Variants in RBFOX2 observed in about 807,000 individuals in gnomAD.
RBFOX2 encodes RNA binding protein fox-1 homolog 2.
In RBFOX2, 10 loss-of-function variants were observed where a neutral mutation model predicts 49.1. The observed-to-expected ratio is 0.20, with a 90% CI of 0.13 to 0.35. The LOEUF is 0.35. Among genes scored for constraint, RBFOX2 ranks in the 10% least tolerant of loss-of-function variants. The pLI is 1.00. For missense variants in RBFOX2, 323 were observed against 486.9 expected, an observed-to-expected ratio of 0.66 and a Z score of 3.17; for synonymous variants, 183 against 187.4, an observed-to-expected ratio of 0.98 and a Z score of 0.19.
chr22:35,961,773 C>T (rs549109432), upstream of RBFOX2: 3 of 1,186,884 alleles, frequency 2.5e-6, no homozygotes, highest in East Asian at 5.9e-5. Context: ...AAAGACGATG[C>T]TTTCAACAGG....
At chr22:35,905,624 T>C (rs1415592145) in intron 1 of RBFOX2, among the ~76,000 whole-genome samples, 1 of 152,134 alleles carries the variant, frequency 6.6e-6, no homozygotes, top group Admixed American at 6.6e-5. Flanking sequence ...TTCAGTCCCT[T>C]GAATATGAAT....
chr22:35,887,667 C>T (rs77934907), intron 1 of RBFOX2, among the ~76,000 whole-genome samples: 1 of 152,098 alleles, frequency 6.6e-6, no homozygotes, highest in Non-Finnish European at 1.5e-5. Flanking sequence ...TGCACCTGTC[C>T]CCTGCTAAAT....
At chr22:35,929,879 G>A (rs1438598636) in intron 1 of RBFOX2, among the ~76,000 whole-genome samples, 1 of 152,044 alleles carries the variant, frequency 6.6e-6, no homozygotes, top group African/African-American at 2.4e-5. Flanking sequence ...GACTGCAAAA[G>A]AATTTGAAAG....
intron 1 of RBFOX2, among the ~76,000 whole-genome samples, chr22:35,835,716 A>G (rs963899920): frequency 6.6e-6 from 1 of 152,200 alleles, no homozygotes; most frequent in African/African-American, 2.4e-5. Flanking sequence ...GTGTGTGATT[A>G]GGGGGTGACT....
Position 35,907,583 on chromosome 22 carries a change from T to C in RBFOX2, c.-34+31264A>G, listed in dbSNP as rs149581608. Among the ~76,000 whole-genome samples the C allele has an allele frequency of 3.5e-3, 535 of 152,348 alleles. 1 individual carries two copies. The highest frequency in any genetic ancestry group is 0.011 in the African/African-American group (473 of 41,566). On this transcript the variant is annotated intron_variant, in intron 1 of 13. Coordinates refer to the RBFOX2 transcript ENST00000359369. ...CTGTGTGGGGAAGAGGAGATTGTTA[T>C]ATGCAGCTGAACTTAATCCTAAATG...
chr22:35,783,324 C>T (rs1046749373), intron 2 of RBFOX2, among the ~76,000 whole-genome samples: 5 of 152,212 alleles, frequency 3.3e-5, no homozygotes, highest in East Asian at 1.9e-4. Flanking sequence ...CACTCAATCA[C>T]GCTGCCTTTC....
rs182573841 is a variant in RBFOX2 at position 35,849,152 on chromosome 22, A to G, written c.-33-39148T>C. Reference sequence around the variant, plus strand: ...TACTTTATATATTACCTTTCTGGAAAATACAACATTTGGAAACTGCCAACT... The same window carrying G: ...TACTTTATATATTACCTTTCTGGAAGATACAACATTTGGAAACTGCCAACT... On this transcript the variant is annotated intron_variant, in intron 1 of 13. Transcript: ENST00000359369. Among the ~76,000 whole-genome samples, 3 of 152,242 alleles carry G rather than the reference A, an allele frequency of 2.0e-5. No individual in the cohort carries two copies. In the East Asian group the frequency reaches 5.8e-4, roughly 29 times the overall value.
intron 4 of RBFOX2, among the ~76,000 whole-genome samples, chr22:35,775,265 GGTA>G (rs1252409426): frequency 6.6e-6 from 1 of 152,170 alleles, no homozygotes; most frequent in Non-Finnish European, 1.5e-5. Flanking sequence ...AATAACTTTA[GGTA>G]GCAGTTAAGA....
intron 1 of RBFOX2, among the ~76,000 whole-genome samples, chr22:35,969,996 C>T (rs1008594580): frequency 1.3e-5 from 2 of 152,194 alleles, no homozygotes; most frequent in Non-Finnish European, 2.9e-5. Context: ...GAGTCTGGTA[C>T]CTGGCAAATA....
chr22:35,745,147 T>C (rs1932044563), intron 11 of RBFOX2, among the ~76,000 whole-genome samples: 1 of 152,220 alleles, frequency 6.6e-6, no homozygotes, highest in Non-Finnish European at 1.5e-5. Flanking sequence ...TTACATTTCA[T>C]TCTGTCTCCT....
At chr22:35,809,837 C>A (rs928348351) in exon 2 of RBFOX2, 3 of 1,613,938 alleles carry the variant, frequency 1.9e-6, no homozygotes, top group African/African-American at 2.7e-5. Context: ...CGTGGGCTTG[C>A]GTACTTCCGT....
At chr22:35,930,549 G>A (rs1447955179) in intron 1 of RBFOX2, among the ~76,000 whole-genome samples, 1 of 151,852 alleles carries the variant, frequency 6.6e-6, no homozygotes, top group African/African-American at 2.4e-5. Context: ...CTAATTTCTG[G>A]GCAGGCGCAG....
At chr22:35,901,900 G>A (rs2048622044) in intron 1 of RBFOX2, among the ~76,000 whole-genome samples, 1 of 151,964 alleles carries the variant, frequency 6.6e-6, no homozygotes, top group Non-Finnish European at 1.5e-5. Context: ...TGGCCAACAT[G>A]GTGAAACCCC....
At chr22:35,891,854 A>G (rs980887726) in intron 1 of RBFOX2, among the ~76,000 whole-genome samples, 1 of 152,144 alleles carries the variant, frequency 6.6e-6, no homozygotes, top group Non-Finnish European at 1.5e-5. Context: ...CAACGCAAAA[A>G]AAAAAAAAAA....
intron 1 of RBFOX2, among the ~76,000 whole-genome samples, chr22:35,824,576 G>A (rs1457113652): frequency 6.6e-6 from 1 of 152,176 alleles, no homozygotes; most frequent in East Asian, 1.9e-4. Flanking sequence ...GTTAGAAGTA[G>A]TCATCAGAAA....
chr22:35,843,408 G>A (rs1197604600), upstream of RBFOX2, among the ~76,000 whole-genome samples: 8 of 152,116 alleles, frequency 5.3e-5, no homozygotes, highest in Admixed American at 3.9e-4. Context: ...ATAAACAAAT[G>A]AAGGAAAGAG....
chr22:35,974,108 C>T (rs528090050), intron 1 of RBFOX2, among the ~76,000 whole-genome samples: 1 of 152,204 alleles, frequency 6.6e-6, no homozygotes, highest in African/African-American at 2.4e-5. Context: ...CTTGGCAGCT[C>T]GGCTGACTCC....
chr22:35,793,198 C>A (rs890697528), intron 2 of RBFOX2, among the ~76,000 whole-genome samples: 1 of 152,206 alleles, frequency 6.6e-6, no homozygotes, highest in Non-Finnish European at 1.5e-5. Flanking sequence ...GTGGTGAAAC[C>A]CCATCTCTAC....
intron 2 of RBFOX2, among the ~76,000 whole-genome samples, chr22:35,794,647 G>A (rs1215958813): frequency 1.3e-5 from 2 of 150,052 alleles, no homozygotes; most frequent in African/African-American, 4.9e-5. Flanking sequence ...AACAGAGTAA[G>A]ACTCTGTCTC....
Sources: allele counts gnomAD v4.1 joint callset (sites outside exome capture counted in the v4.1 genomes callset), GRCh38; gene constraint gnomAD v4.1.1; transcripts MANE v1.5; gene names NCBI Gene and HGNC (gene_info 2026-07-23, HGNC 2026-07-21).